The following TBC1D5 variants were observed in gnomAD, a reference collection of about 807,000 sequenced individuals.
TBC1D5 encodes the protein TBC1 domain family member 5.
Under a neutral mutation model 100.3 loss-of-function variants are expected in TBC1D5, and 75 were observed. That is an observed-to-expected ratio of 0.75 (90% CI 0.62 to 0.91). The LOEUF (loss-of-function observed/expected upper bound fraction) is 0.91, where lower values mean the gene tolerates loss of function less well. Ranked by LOEUF, TBC1D5 falls within the 40% of genes least tolerant of loss-of-function variation. The probability of loss-of-function intolerance (pLI) is 0.00; values close to 1 mark genes in which losing one functional copy is unlikely to be tolerated. For synonymous variants in TBC1D5, 323 were observed against 325.6 expected (o/e 0.99, Z 0.09); for missense variants, 910 against 942.4 (o/e 0.97, Z 0.45).
At chr3:17,724,249 T>C (rs760633479) in intron 1 of TBC1D5, among the ~76,000 whole-genome samples, 5 of 152,158 alleles carry the variant, frequency 3.3e-5, no homozygotes, top group African/African-American at 9.6e-5. Flanking sequence ...CACGCCACCA[T>C]GCTCGTCTAA....
In TBC1D5 at chr3:17,211,782, TGTC is replaced by T. The variant is rs2073021339; in HGVS notation, c.1752+2422_1752+2424del. On this transcript the variant is annotated intron_variant, in intron 18 of 21. Transcript: ENST00000253692. ...TGAGGGTTTATCTAACTGCCCTTGT[TGTC>T]CTTGCAGTGGAATTTTAGGAGGGAA... Among the ~76,000 whole-genome samples, 2 of 152,234 alleles carry T rather than the reference TGTC, an allele frequency of 1.3e-5. 1 individual carries two copies. The highest frequency in any genetic ancestry group is 4.1e-4 in the South Asian group (2 of 4,830).
chr3:17,435,873 A>G (rs2094526204), intron 3 of TBC1D5, among the ~76,000 whole-genome samples: 1 of 152,214 alleles, frequency 6.6e-6, no homozygotes, highest in Non-Finnish European at 1.5e-5. Flanking sequence ...TCAGAAAGTA[A>G]CTGAGAAGAC....
intron 3 of TBC1D5, among the ~76,000 whole-genome samples, chr3:17,503,063 A>G (rs1022798930): frequency 6.7e-6 from 1 of 149,580 alleles, no homozygotes. Flanking sequence ...CAGCCAGAAT[A>G]ATCTTTGTAA....
At chr3:17,678,419 AT>A (rs1425634832) in intron 1 of TBC1D5, among the ~76,000 whole-genome samples, 1 of 152,270 alleles carries the variant, frequency 6.6e-6, no homozygotes, top group East Asian at 1.9e-4. Context: ...GCAGTTAATA[AT>A]TTTTTAAGGT....
chr3:17,572,798 T>C (rs937370852), intron 2 of TBC1D5, among the ~76,000 whole-genome samples: 3 of 151,984 alleles, frequency 2.0e-5, no homozygotes, highest in Admixed American at 2.0e-4. Flanking sequence ...TTATTCACTG[T>C]TTCCTTCCTT....
intron 2 of TBC1D5, among the ~76,000 whole-genome samples, chr3:17,567,537 A>C (rs1041135482): frequency 1.3e-5 from 2 of 151,788 alleles, no homozygotes; most frequent in Non-Finnish European, 3.0e-5. Flanking sequence ...TAAGCTGGAA[A>C]ATTAACTTTC....
At chr3:17,533,367 A>T (rs1447714898) in intron 2 of TBC1D5, among the ~76,000 whole-genome samples, 1 of 152,220 alleles carries the variant, frequency 6.6e-6, no homozygotes, top group Non-Finnish European at 1.5e-5. Flanking sequence ...TTGCTTGAGG[A>T]ACTGCCAACT....
At chr3:17,594,911 G>A (rs2060470025) in intron 2 of TBC1D5, among the ~76,000 whole-genome samples, 1 of 152,168 alleles carries the variant, frequency 6.6e-6, no homozygotes, top group Non-Finnish European at 1.5e-5. Flanking sequence ...GATCCTGGGT[G>A]TGTCTGCAAG....
chr3:17,702,334 A>G (rs1196127597), intron 1 of TBC1D5: 1 of 148,244 alleles, frequency 6.7e-6, no homozygotes, highest in Non-Finnish European at 1.5e-5. Context: ...TACACCTCCT[A>G]AAACAGAATC....
At chr3:17,212,332 A>G (rs1201890043) in intron 18 of TBC1D5, among the ~76,000 whole-genome samples, 1 of 151,780 alleles carries the variant, frequency 6.6e-6, no homozygotes, top group Admixed American at 6.6e-5. Flanking sequence ...TCATAGTGCA[A>G]TGGATTAAGT....
At chr3:17,591,052 C>T (rs953163797) in intron 2 of TBC1D5, among the ~76,000 whole-genome samples, 9 of 151,582 alleles carry the variant, frequency 5.9e-5, no homozygotes, top group Non-Finnish European at 8.8e-5. Flanking sequence ...CTGGCTAACA[C>T]GGTGAAACTC....
At chr3:17,320,112 T>C (rs958285426) in intron 13 of TBC1D5, among the ~76,000 whole-genome samples, 18 of 152,230 alleles carry the variant, frequency 1.2e-4, no homozygotes, top group Admixed American at 2.0e-4. Context: ...TACAGGTCTT[T>C]GTTCGTGTAA....
chr3:17,436,192 ATT>A (rs2094532447), intron 3 of TBC1D5, among the ~76,000 whole-genome samples: 1 of 152,210 alleles, frequency 6.6e-6, no homozygotes, highest in Non-Finnish European at 1.5e-5. Context: ...AGACTCTACC[ATT>A]TGTTTGTTAT....
At chr3:17,627,413 G>T (rs547524117) in intron 1 of TBC1D5, among the ~76,000 whole-genome samples, 1 of 152,068 alleles carries the variant, frequency 6.6e-6, no homozygotes, top group South Asian at 2.1e-4. Flanking sequence ...AAAAGGAAGG[G>T]AAGAACAAAG....
At chr3:17,412,283 T>TACA (rs1158241370) in intron 4 of TBC1D5, among the ~76,000 whole-genome samples, 2 of 150,764 alleles carry the variant, frequency 1.3e-5, no homozygotes, top group Non-Finnish European at 3.0e-5. Context: ...CCTCTGGTAG[T>TACA]ACAGAGGGGA....
At chr3:17,218,981 C>T (rs1307367073) in intron 17 of TBC1D5, among the ~76,000 whole-genome samples, 1 of 151,738 alleles carries the variant, frequency 6.6e-6, no homozygotes, top group African/African-American at 2.4e-5. Context: ...AGCATTTCTT[C>T]AACTATTCCA....
intron 14 of TBC1D5, among the ~76,000 whole-genome samples, chr3:17,303,367 T>C (rs1278381055): frequency 1.3e-5 from 2 of 152,260 alleles, no homozygotes; most frequent in Non-Finnish European, 2.9e-5. Flanking sequence ...TAAACACTGG[T>C]TGAATGGTTG....
At chr3:17,192,877 T>C (rs115750978) in intron 18 of TBC1D5, among the ~76,000 whole-genome samples, 1 of 152,258 alleles carries the variant, frequency 6.6e-6, no homozygotes, top group Non-Finnish European at 1.5e-5. Flanking sequence ...CAGGGAACAC[T>C]GGATTTGTCC....
Position 17,337,123 on chromosome 3 carries a change from G to GTTTTTTTTTTTTTTTTTTTT in TBC1D5, c.996-29009_996-28990dup, listed in dbSNP as rs11328091. On this transcript the variant is annotated intron_variant, in intron 13 of 21. Coordinates refer to ENST00000253692, the Ensembl canonical transcript of TBC1D5. The stretch of plus-strand genomic sequence containing the variant: ...AGCTTGCACCAAAATTATCTGAGAG[G>GTTTTTTTTTTTTTTTTTTTT]TTTTTTTTTTTTTTTTTTTTTTAAG... 2.4e-4 allele frequency among the ~76,000 whole-genome samples: 28 copies of GTTTTTTTTTTTTTTTTTTTT among 116,152 alleles called. 1 individual carries two copies. The highest frequency in any genetic ancestry group is 9.8e-4 in the African/African-American group (28 of 28,438). The allele number at this position is 116,152 out of a possible 152,430, so 76.2% of individuals were successfully genotyped here.
Sources: allele counts gnomAD v4.1 joint callset (sites outside exome capture counted in the v4.1 genomes callset), GRCh38; gene constraint gnomAD v4.1.1; transcripts MANE v1.5; gene names NCBI Gene and HGNC (gene_info 2026-07-23, HGNC 2026-07-21).